KCNH2: variants seen among roughly 807,000 people sequenced by gnomAD.
KCNH2 encodes the protein voltage-gated inwardly rectifying potassium channel KCNH2.
Under a neutral mutation model 95.9 loss-of-function variants are expected in KCNH2, and 35 were observed. The ratio of observed to expected loss-of-function variants is 0.37; its 90% CI spans 0.28 to 0.48. The LOEUF is 0.48. Ranked by LOEUF, KCNH2 falls within the 20% of genes least tolerant of loss-of-function variation. KCNH2 has a pLI of 0.99. For synonymous variants in KCNH2, 786 were observed against 754.7 expected (o/e 1.04, Z -0.68); for missense variants, 1,274 against 1,702.9 (o/e 0.75, Z 4.43).
At position 150,950,932 on chromosome 7, in the gene KCNH2, C is replaced by T. The variant is rs199852343; in HGVS notation, c.2134G>A (p.Asp712Asn). The T allele has an allele frequency of 1.9e-6, 3 of 1,614,154 alleles. No individual in the cohort carries two copies. The highest frequency in any genetic ancestry group is 2.2e-5 in the East Asian group (1 of 44,874). ...TCTGGTGGCCTCACCGCGTTCATGT[C>T]GATGCCGTTGGTGTAGGACCAGGCG... ...QHAWSYTNGI[D>N]MNAVLKGFPE... The change falls in exon 8 of 15, where the codon GAC (aspartate) becomes AAC (asparagine). Residue 712 changes from aspartate (D) to asparagine (N), a missense_variant. Transcript: ENST00000262186.
rs540877520 is a variant in KCNH2, at chr7:150,958,015, A to C, written c.916+44T>G. On this transcript the variant is annotated intron_variant, in intron 4 of 14. Coordinates refer to ENST00000262186, the MANE Select transcript of KCNH2 (RefSeq NM_000238.4). ...CAGAATGCAGCAAGCCTGGCAGCAG[A>C]AGAAGCGTGGGCTGGGGCGGAACGG... 4.8e-5 allele frequency: 61 copies of C among 1,265,070 alleles called. No individual in the cohort carries two copies. In the African/African-American group the frequency reaches 7.5e-4, roughly 16 times the overall value. 78.4% of individuals were successfully genotyped at this position (1,265,070 alleles called of 1,614,324 possible). A position where few individuals can be genotyped will look rare whatever the true frequency, so the allele number is the denominator to read the frequency against.
chr7:150,946,885 G>C lies in KCNH2; in HGVS notation c.3322C>G (p.Leu1108Val), dbSNP rs199473031. Reference sequence around the variant, plus strand: ...GCAGGGCTGGAGCTTACCTGAGAAAGCGAGTCCAAGGTGAGGGTGGGGAGG... The same window carrying C: ...GCAGGGCTGGAGCTTACCTGAGAAACCGAGTCCAAGGTGAGGGTGGGGAGG... ...SPLPTLTLDS[L>V]SQVSQFMACE... The change falls in exon 14 of 15, where the codon CTT (leucine) becomes GTT (valine). Residue 1108 changes from leucine (L) to valine (V), a missense_variant. Physicochemically the swap from Leu to Val is conservative, Grantham distance 32. This residue lies in a region of KCNH2 where 457 missense variants were observed against 416.1 expected (regional missense o/e 1.10). Coordinates refer to ENST00000262186, the MANE Select transcript of KCNH2 (RefSeq NM_000238.4). The surrounding 1 kb of genome is among the most constrained non-coding windows in gnomAD (Gnocchi z 6.5). 3.0e-5 allele frequency: 48 copies of C among 1,598,314 alleles called. 2 individuals carry two copies. In the South Asian group the frequency reaches 5.0e-4, roughly 17 times the overall value.
intron 2 of KCNH2, among the ~76,000 whole-genome samples, chr7:150,966,471 G>A (rs1801710363): frequency 7.2e-6 from 1 of 138,682 alleles, no homozygotes; most frequent in Admixed American, 8.2e-5. Flanking sequence ...AGAAAGTCAG[G>A]TGGAACATTC....
chr7:150,976,737 C>A (rs534757009), intron 1 of KCNH2, among the ~76,000 whole-genome samples: 2 of 151,400 alleles, frequency 1.3e-5, no homozygotes, highest in Admixed American at 6.6e-5. Flanking sequence ...AGCACCCCCC[C>A]CCACATCCAT....
chr7:150,974,664 C>A (rs1441586447), intron 2 of KCNH2, 47 bp downstream of exon 2: 1 of 1,482,842 alleles, frequency 6.7e-7, no homozygotes, highest in Non-Finnish European at 9.2e-7. Flanking sequence ...GGTCCCGCCC[C>A]TCTTGACCCC....
At chr7:150,964,474 G>A (rs1008541626) in intron 2 of KCNH2, among the ~76,000 whole-genome samples, 2 of 152,210 alleles carry the variant, frequency 1.3e-5, no homozygotes, top group African/African-American at 4.8e-5. Context: ...AGCCATGGTG[G>A]CTCCTGCGTT....
chr7:150,968,815 G>C (rs567800833), intron 2 of KCNH2, among the ~76,000 whole-genome samples: 1 of 152,352 alleles, frequency 6.6e-6, no homozygotes, highest in East Asian at 1.9e-4. Context: ...CATAGGAGCA[G>C]GGGTGCTGAG....
rs7357133 is a variant in KCNH2, at chr7:150,948,009, C to A, written c.2693-131G>T. 1.9e-3 allele frequency: 2,142 copies of A among 1,116,988 alleles called. 20 individuals carry two copies. The highest frequency in any genetic ancestry group is 0.019 in the African/African-American group (1,166 of 62,776). 69.2% of individuals were successfully genotyped at this position (1,116,988 alleles called of 1,614,324 possible). A position where few individuals can be genotyped will look rare whatever the true frequency, so the allele number is the denominator to read the frequency against. ...AGCCCTGGTTTGTCCCCAGTCGCTT[C>A]TTCTGCTATCTTGCACCCACTGTCA... is the stretch of plus-strand genomic sequence containing the variant. On this transcript the variant is annotated intron_variant, in intron 11 of 14. Coordinates refer to ENST00000262186, the MANE Select transcript of KCNH2 (RefSeq NM_000238.4).
At chr7:150,966,109 A>G (rs1041313949) in intron 2 of KCNH2, among the ~76,000 whole-genome samples, 1 of 152,246 alleles carries the variant, frequency 6.6e-6, no homozygotes, top group Non-Finnish European at 1.5e-5. Flanking sequence ...GAGACTTCTG[A>G]GCCTCAGTCC....
rs200451965 is a variant in KCNH2 at position 150,948,845 on chromosome 7, A to G, written c.2592+11T>C. The stretch of plus-strand genomic sequence containing the variant: ...AGGAGGATGGGGTCCAGCTCAGGGC[A>G]GCCAACTCACATCTCGCAGGTTGAA... On this transcript the variant is annotated intron_variant, in intron 10 of 14. Coordinates refer to ENST00000262186, the MANE Select transcript of KCNH2 (RefSeq NM_000238.4). 4.3e-6 allele frequency: 7 copies of G among 1,613,750 alleles called. No individual in the cohort carries two copies. Among genetic ancestry groups the G allele is most frequent in the East Asian group, 2.2e-5 (1 of 44,892 alleles).
rs794728346 is a variant in KCNH2, at chr7:150,947,401, G to T, written c.3079C>A (p.Leu1027Ile). Residue 1027 changes from leucine (L) to isoleucine (I), a missense_variant, in exon 13 of 15, where the codon CTC becomes ATC. Around this residue, in one of 7 missense-constraint regions of KCNH2, gnomAD observed 457 missense variants for 416.1 expected, o/e 1.10. Transcript: ENST00000262186. ...APTPSLLNIP[L>I]SSPGRRPRGD... ...CGGGGCCGCCGACCCGGGCTGGAGAGGGGGATGTTGAGGAGGCTGGGGGTG... is the reference window on the plus strand; with the variant it reads ...CGGGGCCGCCGACCCGGGCTGGAGATGGGGATGTTGAGGAGGCTGGGGGTG... The T allele has an allele frequency of 3.9e-6, 6 of 1,551,694 alleles. No homozygotes were observed. Among genetic ancestry groups the T allele is most frequent in the African/African-American group, 2.7e-5 (2 of 73,366 alleles).
rs527980825 is a variant in KCNH2, at chr7:150,952,958, A to G, written c.1129-105T>C. ...GCCAAGCAGAATGAGGAGGAGGCCA[A>G]AAAAAGCTTCCATCAGAATGCCCAC... On this transcript the variant is annotated intron_variant, in intron 5 of 14. Coordinates refer to ENST00000262186, the MANE Select transcript of KCNH2 (RefSeq NM_000238.4). This position sits in a 1 kb window ranked among gnomAD's most constrained non-coding sequence, Gnocchi z 7.3. 1 of 1,133,984 alleles carries G rather than the reference A, an allele frequency of 8.8e-7. No homozygotes were observed. Among genetic ancestry groups the G allele is most frequent in the African/African-American group, 1.5e-5 (1 of 65,202 alleles). The allele number at this position is 1,133,984 out of a possible 1,614,324, so 70.2% of individuals were successfully genotyped here.
rs994757926 is a variant in KCNH2, at chr7:150,978,033, C to A, written c.-120G>T. The A allele has an allele frequency of 1.4e-5, 5 of 366,158 alleles. No homozygotes were observed. Among genetic ancestry groups the A allele is most frequent in the Non-Finnish European group, 2.2e-5 (5 of 223,530 alleles). The allele number at this position is 366,158 out of a possible 1,614,324, so 22.7% of individuals were successfully genotyped here. On this transcript the variant is annotated 5_prime_UTR_variant, in exon 1 of 15. Transcript: ENST00000262186. Reference sequence around the variant, plus strand: ...CCGCACCCCGCGGCCAAGCCGAGCACGGGCGCGGCCAAGACTGGACTGCGG... The same window carrying A: ...CCGCACCCCGCGGCCAAGCCGAGCAAGGGCGCGGCCAAGACTGGACTGCGG...
At chr7:150,949,847 C>T (rs1301843347) in intron 9 of KCNH2, 2 of 1,288,538 alleles carry the variant, frequency 1.6e-6, no homozygotes, top group Non-Finnish European at 1.0e-6. Context: ...GCCGAGCTTC[C>T]AGGCTAGCAT....
In KCNH2 at chr7:150,947,419, TG is replaced by T. The variant is rs864622174; in HGVS notation, c.3060del (p.Ser1021AlafsTer36). On this transcript the variant is annotated frameshift_variant, in exon 13 of 15. Coordinates refer to ENST00000262186, the MANE Select transcript of KCNH2 (RefSeq NM_000238.4). LOFTEE classifies it high-confidence loss of function. The stretch of plus-strand genomic sequence containing the variant: ...CTGGAGAGGGGGATGTTGAGGAGGC[TG>T]GGGGTGGGGGCGGGGCATCGAGGGA... ...QELPRCPAPT[P>X]SLLNIPLSSP... 1.4e-6 allele frequency: 2 copies of T among 1,474,028 alleles called. No homozygotes were observed. The highest frequency in any genetic ancestry group is 1.8e-4 in the Middle Eastern group (1 of 5,538). 91.3% of individuals were successfully genotyped at this position (1,474,028 alleles called of 1,614,324 possible). A position where few individuals can be genotyped will look rare whatever the true frequency, so the allele number is the denominator to read the frequency against.
At chr7:150,958,005 C>T (rs1732633065) in intron 4 of KCNH2, 54 bp downstream of exon 4, 19 of 1,254,324 alleles carry the variant, frequency 1.5e-5, no homozygotes, top group Non-Finnish European at 1.8e-5. Context: ...TGCAGCAAGC[C>T]TGGCAGCAGA....
chr7:150,971,199 A>G (rs1301965638), intron 2 of KCNH2, among the ~76,000 whole-genome samples: 1 of 152,268 alleles, frequency 6.6e-6, no homozygotes, highest in East Asian at 1.9e-4. Context: ...CACAGGAGGT[A>G]CTAAGGATTT....
In KCNH2 at chr7:150,962,804, G is replaced by C. The variant is rs1801603273; in HGVS notation, c.308-3068C>G. On this transcript the variant is annotated intron_variant, in intron 2 of 14. Coordinates refer to ENST00000262186, the MANE Select transcript of KCNH2 (RefSeq NM_000238.4). This position sits in a 1 kb window ranked among gnomAD's most constrained non-coding sequence, Gnocchi z 5.7. ...CGGGGGAGATCTAGCGATCATCAAG[G>C]GGATGTGGAAGGAAGGAAAGTAGGG... Among the ~76,000 whole-genome samples the C allele has an allele frequency of 6.6e-6, 1 of 152,226 alleles. No individual in the cohort carries two copies. Among genetic ancestry groups the C allele is most frequent in the African/African-American group, 2.4e-5 (1 of 41,532 alleles).
rs1416662588 is a variant in KCNH2 at position 150,946,600 on chromosome 7, G to A, written c.3330+277C>T. ...GCTCCGGGGCCTGGCGGTGGAGGCTGTGGACACTAGGGGAGTGAAGCTGCG... is the reference window on the plus strand; with the variant it reads ...GCTCCGGGGCCTGGCGGTGGAGGCTATGGACACTAGGGGAGTGAAGCTGCG... On this transcript the variant is annotated intron_variant, in intron 14 of 14. Transcript: ENST00000262186. This position sits in a 1 kb window ranked among gnomAD's most constrained non-coding sequence, Gnocchi z 6.5. Among the ~76,000 whole-genome samples, 3 of 152,204 alleles carry A rather than the reference G, an allele frequency of 2.0e-5. No individual in the cohort carries two copies. The highest frequency in any genetic ancestry group is 4.4e-5 in the Non-Finnish European group (3 of 68,038).
Sources: gnomAD v4.1 joint callset for allele counts (sites outside exome capture counted in the v4.1 genomes callset) on GRCh38, gnomAD v4.1.1 for gene constraint, gnomAD v4.1.1 regional missense constraint, Gnocchi (gnomAD v3.1) non-coding constraint, MANE v1.5 for transcripts, NCBI Gene and HGNC (gene_info 2026-07-23, HGNC 2026-07-21) for gene names.